SCYL3: variants seen among roughly 807,000 people sequenced by gnomAD.
SCYL3 encodes the protein SCY1 like pseudokinase 3.
SCYL3 carries 35 observed loss-of-function variants against 73.8 expected under a neutral mutation model. The ratio of observed to expected loss-of-function variants is 0.47; its 90% CI spans 0.36 to 0.63. The LOEUF (loss-of-function observed/expected upper bound fraction) is 0.63, where lower values mean the gene tolerates loss of function less well. Ranked by LOEUF, SCYL3 falls within the 20% of genes least tolerant of loss-of-function variation. The probability of loss-of-function intolerance (pLI) is 0.00; values close to 1 mark genes in which losing one functional copy is unlikely to be tolerated. For synonymous variants in SCYL3, 277 were observed against 295.2 expected, an observed-to-expected ratio of 0.94 and a Z score of 0.63; for missense variants, 712 against 798.9, an observed-to-expected ratio of 0.89 and a Z score of 1.31.
intron 2 of SCYL3, among the ~76,000 whole-genome samples, chr1:169,885,312 A>G (rs1661598757): frequency 6.6e-6 from 1 of 152,218 alleles, no homozygotes; most frequent in African/African-American, 2.4e-5. Flanking sequence ...ATCAGTTATG[A>G]TTCAGCTATC....
chr1:169,893,219 A>G (rs1173104889), intron 1 of SCYL3, among the ~76,000 whole-genome samples: 1 of 152,194 alleles, frequency 6.6e-6, no homozygotes, highest in African/African-American at 2.4e-5. Flanking sequence ...CTTCCGAGAA[A>G]TGTTTCATCT....
At position 169,854,746 on chromosome 1, in the gene SCYL3, C is replaced by A; in HGVS notation, c.1531G>T (p.Val511Leu). The A allele has an allele frequency of 6.2e-7, 1 of 1,614,068 alleles. No individual in the cohort carries two copies. The change falls in exon 12 of 13, where the codon GTG (valine) becomes TTG (leucine). Residue 511 changes from valine to leucine, a missense_variant. Coordinates refer to ENST00000367771, the MANE Select transcript of SCYL3 (RefSeq NM_020423.7). ...DVKSQCTTLD[V>L]EESSWDDCEP... ...CAGTCATCCCAAGATGACTCTTCCA[C>A]ATCCAAGGTAGTGCACTGGGACTTG...
Position 169,864,969 on chromosome 1 carries a change from C to CA in SCYL3, c.816-462dup, listed in dbSNP as rs3062290. ...TGGGTGACAGGGTGAGATTCTGTCT[C>CA]AAAAAAAAAAAAAAAAATACAGAAA... On this transcript the variant is annotated intron_variant, in intron 8 of 12. Transcript: ENST00000367771. Among the ~76,000 whole-genome samples the CA allele has an allele frequency of 1.4e-3, 189 of 132,686 alleles. 1 individual carries two copies. The highest frequency in any genetic ancestry group is 2.2e-3 in the Non-Finnish European group (134 of 61,726). The allele number at this position is 132,686 out of a possible 152,430, so 87.0% of individuals were successfully genotyped here. A position where few individuals can be genotyped will look rare whatever the true frequency, so the allele number is the denominator to read the frequency against.
rs114478179 is a variant in SCYL3, at chr1:169,853,231, A to G, written c.*482T>C. The G allele has an allele frequency of 3.1e-3, 1,512 of 483,130 alleles. 23 individuals are homozygous for G. Among genetic ancestry groups the G allele is most frequent in the African/African-American group, 0.027 (1,390 of 51,536 alleles). The allele number at this position is 483,130 out of a possible 1,614,324, so 29.9% of individuals were successfully genotyped here. A position where few individuals can be genotyped will look rare whatever the true frequency, so the allele number is the denominator to read the frequency against. On this transcript the variant is annotated 3_prime_UTR_variant, in exon 13 of 13. Transcript: ENST00000367771. ...AAAGAACCATTTACTCAGATAGTCT[A>G]ACTGTAAACAAATAAATAAGCTGCC...
chr1:169,855,933 C>T lies in SCYL3; in HGVS notation c.1313-969G>A, dbSNP rs149349311. 236 of 1,613,636 alleles carry T rather than the reference C, an allele frequency of 1.5e-4. No homozygotes were observed. In the African/African-American group the frequency reaches 2.6e-3, roughly 18 times the overall value. On this transcript the variant is annotated intron_variant, in intron 11 of 12. Transcript: ENST00000367771. The stretch of plus-strand genomic sequence containing the variant: ...GATTGGCGAGATCTGACTGTGATGG[C>T]TGCAGACGACACACATAGGAGAATC...
At chr1:169,873,531 C>A (rs1660580207) in intron 5 of SCYL3, among the ~76,000 whole-genome samples, 165 bp downstream of exon 5, 2 of 152,138 alleles carry the variant, frequency 1.3e-5, no homozygotes, top group Admixed American at 1.3e-4. Context: ...TAAGCTGGCT[C>A]CCTGGCTGTG....
At chr1:169,886,336 G>A (rs981168053) in intron 2 of SCYL3, among the ~76,000 whole-genome samples, 8 of 152,064 alleles carry the variant, frequency 5.3e-5, no homozygotes, top group Non-Finnish European at 8.8e-5. Context: ...TATGAGAGAG[G>A]AGAACAGCTT....
intron 1 of SCYL3, among the ~76,000 whole-genome samples, chr1:169,889,185 A>G (rs1371251977): frequency 6.6e-6 from 1 of 152,238 alleles, no homozygotes; most frequent in Non-Finnish European, 1.5e-5. Context: ...AGAATAAGGT[A>G]ATTCATACTT....
At chr1:169,859,311 T>C (rs534570908) in intron 10 of SCYL3, 99 bp from the exon 11 acceptor site, 416 of 1,155,626 alleles carry the variant, frequency 3.6e-4, no homozygotes, top group Non-Finnish European at 4.8e-4. Context: ...TGTGCTTAGA[T>C]AAACTACATT....
In SCYL3 at chr1:169,855,698, A is replaced by G. The variant is rs984944456; in HGVS notation, c.1313-734T>C. On this transcript the variant is annotated intron_variant, in intron 11 of 12. Coordinates refer to ENST00000367771, the MANE Select transcript of SCYL3 (RefSeq NM_020423.7). ...AAAGCTGACTACATAATTACAAATA[A>G]ATCAGTCTCAAAACTCCCAAAACAC... 2.4e-5 allele frequency: 27 copies of G among 1,108,664 alleles called. 1 individual carries two copies. The African/African-American group carries it at 2.7e-4, about 11-fold the overall frequency. The allele number at this position is 1,108,664 out of a possible 1,614,324, so 68.7% of individuals were successfully genotyped here.
intron 6 of SCYL3, 34 bp from the exon 7 acceptor site, chr1:169,869,073 C>T (rs765921289): frequency 1.0e-5 from 16 of 1,548,264 alleles, no homozygotes; most frequent in East Asian, 2.3e-5. Flanking sequence ...TTTCCAATGC[C>T]TTCTCCCTCT....
chr1:169,855,669 G>C, intron 11 of SCYL3: 1 of 846,598 alleles, frequency 1.2e-6, no homozygotes, highest in South Asian at 1.9e-5. Context: ...AACAAGATGA[G>C]ACCAAAGCTG....
chr1:169,893,914 G>A (rs1662276254), upstream of SCYL3: 1 of 152,672 alleles, frequency 6.5e-6, no homozygotes, highest in African/African-American at 2.4e-5. Flanking sequence ...ATCTTCTGGG[G>A]GCCGGGTTTC....
intron 6 of SCYL3, among the ~76,000 whole-genome samples, chr1:169,869,429 T>C (rs997263652): frequency 6.6e-6 from 1 of 152,258 alleles, no homozygotes; most frequent in Non-Finnish European, 1.5e-5. Flanking sequence ...AAATAATTGC[T>C]ACCATTCTAA....
At position 169,852,842 on chromosome 1, in the gene SCYL3, C is replaced by T. The variant is rs1247390976; in HGVS notation, c.*871G>A. On this transcript the variant is annotated 3_prime_UTR_variant, in exon 13 of 13. Transcript: ENST00000367771. Reference sequence around the variant, plus strand: ...TTCCCCTGGGAAGAAGAGTACAGGTCAGCGCTGCATACAATAGCAGGGGCT... The same window carrying T: ...TTCCCCTGGGAAGAAGAGTACAGGTTAGCGCTGCATACAATAGCAGGGGCT... 6.2e-7 allele frequency: 1 copy of T among 1,614,132 alleles called. No individual in the cohort carries two copies. Among genetic ancestry groups the T allele is most frequent in the East Asian group, 2.2e-5 (1 of 44,890 alleles).
At chr1:169,875,910 A>G (rs1660764952) in intron 4 of SCYL3, 68 bp downstream of exon 4, 1 of 936,374 alleles carries the variant, frequency 1.1e-6, no homozygotes, top group African/African-American at 1.7e-5. Flanking sequence ...GAAAGTGCCT[A>G]GGCAAGAACC....
intron 5 of SCYL3, among the ~76,000 whole-genome samples, chr1:169,871,081 T>C (rs531832184): frequency 1.3e-5 from 2 of 152,196 alleles, no homozygotes; most frequent in South Asian, 4.2e-4. Context: ...TCCTAAGTAA[T>C]GGGCAGCTAG....
Position 169,880,616 on chromosome 1 carries a change from A to C in SCYL3, c.166-1797T>G, listed in dbSNP as rs76887291. Among the ~76,000 whole-genome samples the C allele has an allele frequency of 9.9e-5, 9 of 90,970 alleles. 2 individuals are homozygous for C. The highest frequency in any genetic ancestry group is 1.8e-4 in the African/African-American group (5 of 28,526). 59.7% of individuals were successfully genotyped at this position (90,970 alleles called of 152,430 possible). A position where few individuals can be genotyped will look rare whatever the true frequency, so the allele number is the denominator to read the frequency against. Reference sequence around the variant, plus strand: ...TTGGTGACAAAAAAAAAAACAGAAAATTTCTTGCCAGAAGACCTGCTATAT... The same window carrying C: ...TTGGTGACAAAAAAAAAAACAGAAACTTTCTTGCCAGAAGACCTGCTATAT... On this transcript the variant is annotated intron_variant, in intron 2 of 12. Coordinates refer to ENST00000367771, the MANE Select transcript of SCYL3 (RefSeq NM_020423.7).
At chr1:169,870,912 T>G (rs957861764) in intron 5 of SCYL3, among the ~76,000 whole-genome samples, 9 of 152,226 alleles carry the variant, frequency 5.9e-5, no homozygotes, top group Admixed American at 5.2e-4. Flanking sequence ...ATAGTTGAGT[T>G]CATATTTCCT....
Sources: allele counts gnomAD v4.1 joint callset (sites outside exome capture counted in the v4.1 genomes callset), GRCh38; gene constraint gnomAD v4.1.1; transcripts MANE v1.5; gene names NCBI Gene and HGNC (gene_info 2026-07-23, HGNC 2026-07-21).